The following NCOR1 variants were observed in gnomAD, a reference collection of about 807,000 sequenced individuals.
NCOR1 encodes protein phosphatase 1, regulatory subunit 109.
Under a neutral mutation model 288.1 loss-of-function variants are expected in NCOR1, and 63 were observed. The observed-to-expected ratio is 0.22, with a 90% CI of 0.18 to 0.27. NCOR1 has a LOEUF of 0.27. Among genes scored for constraint, NCOR1 ranks in the 10% least tolerant of loss-of-function variants. The pLI is 1.00. For synonymous variants in NCOR1, 1,007 were observed against 1,065.9 expected (o/e 0.94, Z 1.08); for missense variants, 2,397 against 3,019.2 (o/e 0.79, Z 4.83).
chr17:16,210,007 T>C (rs2091966473), intron 1 of NCOR1, among the ~76,000 whole-genome samples: 3 of 152,056 alleles, frequency 2.0e-5, no homozygotes, highest in African/African-American at 4.8e-5. Context: ...AATATAACAA[T>C]TGAAATCCTT....
chr17:16,044,299 G>A (rs1377349367), intron 42 of NCOR1: 2 of 436,986 alleles, frequency 4.6e-6, no homozygotes, highest in African/African-American at 2.0e-5. Flanking sequence ...TAAGAGCGAG[G>A]ACAAGTTCAG....
chr17:16,186,297 A>G (rs1051384369), intron 3 of NCOR1, among the ~76,000 whole-genome samples: 5 of 152,218 alleles, frequency 3.3e-5, no homozygotes, highest in Non-Finnish European at 5.9e-5. Context: ...GCCCAAGTCT[A>G]TAGAACATAA....
intron 1 of NCOR1, among the ~76,000 whole-genome samples, chr17:16,204,094 AAAGAGATCAAAATAAAATAAT>A (rs1225702056): frequency 7.2e-5 from 11 of 152,338 alleles, no homozygotes; most frequent in East Asian, 5.8e-4. Flanking sequence ...TATGGTAATC[AAAGAGATCAAAATAAAATAAT>A]AAGAGATCAA....
chr17:16,041,788 G>A (rs530382372), intron 42 of NCOR1, among the ~76,000 whole-genome samples: 2 of 151,816 alleles, frequency 1.3e-5, no homozygotes, highest in African/African-American at 4.8e-5. Flanking sequence ...CCAGGCTGGA[G>A]TGCAGCGGTG....
At chr17:16,088,501 T>C (rs2064611629) in intron 22 of NCOR1, among the ~76,000 whole-genome samples, 1 of 152,204 alleles carries the variant, frequency 6.6e-6, no homozygotes. Flanking sequence ...TTTCAGTTGA[T>C]TCTTTTAGGC....
intron 30 of NCOR1, among the ~76,000 whole-genome samples, chr17:16,071,089 T>C (rs995187589): frequency 3.3e-5 from 5 of 151,912 alleles, no homozygotes; most frequent in African/African-American, 1.2e-4. Context: ...GAGACCAGCC[T>C]TGGCAACATG....
At chr17:16,092,407 A>C (rs1269251577) in intron 21 of NCOR1, among the ~76,000 whole-genome samples, 1 of 151,894 alleles carries the variant, frequency 6.6e-6, no homozygotes, top group Non-Finnish European at 1.5e-5. Context: ...GAATCACTTG[A>C]GCCTGGGAGG....
At chr17:16,201,202 A>G (rs2090755752) in intron 1 of NCOR1, among the ~76,000 whole-genome samples, 1 of 152,216 alleles carries the variant, frequency 6.6e-6, no homozygotes, top group South Asian at 2.1e-4. Flanking sequence ...CTAAAGAAAA[A>G]GCTTTTTAGT....
At chr17:16,195,613 T>C (rs1462770022) in intron 1 of NCOR1, among the ~76,000 whole-genome samples, 1 of 152,280 alleles carries the variant, frequency 6.6e-6, no homozygotes, top group African/African-American at 2.4e-5. Flanking sequence ...TCTAGTATTA[T>C]GAGGTTTCAT....
intron 18 of NCOR1, among the ~76,000 whole-genome samples, chr17:16,109,858 C>T (rs1387620536): frequency 6.6e-6 from 1 of 152,086 alleles, no homozygotes; most frequent in Non-Finnish European, 1.5e-5. Flanking sequence ...CTCAGCCTCC[C>T]GAATAGTTGG....
chr17:16,054,702 G>A (rs995779836), intron 40 of NCOR1, among the ~76,000 whole-genome samples: 6 of 152,146 alleles, frequency 3.9e-5, no homozygotes, highest in Non-Finnish European at 8.8e-5. Context: ...AGCTGAGGTG[G>A]GTAGATCAGC....
At chr17:16,102,952 C>T (rs555833619) in intron 19 of NCOR1, among the ~76,000 whole-genome samples, 40 of 152,292 alleles carry the variant, frequency 2.6e-4, no homozygotes, top group African/African-American at 7.9e-4. Flanking sequence ...AAGTGTCTAG[C>T]GGCTACCACA....
chr17:16,192,853 C>T (rs184049979), intron 2 of NCOR1, among the ~76,000 whole-genome samples: 1 of 152,074 alleles, frequency 6.6e-6, no homozygotes, highest in Admixed American at 6.5e-5. Flanking sequence ...TATACCCATA[C>T]TCAACAATAA....
chr17:16,137,905 G>C (rs758534075), intron 13 of NCOR1: 1 of 386,188 alleles, frequency 2.6e-6, no homozygotes, highest in Admixed American at 4.4e-5. Flanking sequence ...ATTTAATGAG[G>C]CTCCAAAAGC....
At chr17:16,118,507 G>C (rs1386475878) in intron 17 of NCOR1, among the ~76,000 whole-genome samples, 2 of 151,960 alleles carry the variant, frequency 1.3e-5, no homozygotes, top group Non-Finnish European at 2.9e-5. Flanking sequence ...AAAAATACTA[G>C]CCAATTTAAA....
chr17:16,187,828 A>C (rs559533714), intron 2 of NCOR1, among the ~76,000 whole-genome samples: 47 of 150,974 alleles, frequency 3.1e-4, no homozygotes, highest in African/African-American at 1.1e-3. Context: ...TGAGCCCAAG[A>C]GTTAGAGGCT....
rs573835798 is a variant in NCOR1, at chr17:16,126,542, T to C, written c.1510-336A>G. On this transcript the variant is annotated intron_variant, in intron 14 of 45. Transcript: ENST00000268712. ...CAAGCATTCCAATTCTACCTTAAAA[T>C]TTGATAACCCATACATAATTTATCA... Among the ~76,000 whole-genome samples the C allele has an allele frequency of 5.9e-5, 9 of 152,294 alleles. No individual in the cohort carries two copies. The South Asian group carries it at 1.7e-3, about 28-fold the overall frequency.
chr17:16,070,381 C>T lies in NCOR1; in HGVS notation c.4297G>A (p.Gly1433Arg). ...CCTGCTTTCACATCCTCATATTTTC[C>T]CCGTTCTACCACTTTTATGTTCTCT... ...VPENIKVVER[G>R]KYEDVKAGET... Residue 1433 changes from glycine (G) to arginine (R), a missense_variant, in exon 31 of 46, where the codon GGA becomes AGA. By Grantham distance (125) the Gly-to-Arg change is moderately radical. Around this residue, in one of 11 missense-constraint regions of NCOR1, gnomAD observed 1,872 missense variants for 2,187.8 expected, o/e 0.86. Coordinates refer to ENST00000268712, the MANE Select transcript of NCOR1 (RefSeq NM_006311.4). The T allele has an allele frequency of 1.9e-6, 3 of 1,614,156 alleles. No homozygotes were observed. The highest frequency in any genetic ancestry group is 2.5e-6 in the Non-Finnish European group (3 of 1,180,028).
At chr17:16,183,351 G>A (rs1465004837) in intron 3 of NCOR1, among the ~76,000 whole-genome samples, 8 of 148,216 alleles carry the variant, frequency 5.4e-5, no homozygotes, top group Admixed American at 4.7e-4. Flanking sequence ...AGTTCCCCAA[G>A]ATTCTACACA....
Sources: gnomAD v4.1 joint callset for allele counts (sites outside exome capture counted in the v4.1 genomes callset) on GRCh38, gnomAD v4.1.1 for gene constraint, gnomAD v4.1.1 regional missense constraint, MANE v1.5 for transcripts, NCBI Gene and HGNC (gene_info 2026-07-23, HGNC 2026-07-21) for gene names.